DDR2: variants seen among roughly 807,000 people sequenced by gnomAD.
DDR2 encodes discoidin domain-containing receptor 2.
In DDR2, 27 loss-of-function variants were observed where a neutral mutation model predicts 94.9. The ratio of observed to expected loss-of-function variants is 0.28; its 90% CI spans 0.21 to 0.39. DDR2 has a LOEUF of 0.39. DDR2 is among the 10% of genes least tolerant of loss of function. The pLI is 1.00. For synonymous variants in DDR2, 382 were observed against 377.2 expected (o/e 1.01, Z -0.15); for missense variants, 783 against 1,076.0 (o/e 0.73, Z 3.81).
At chr1:162,777,853 TCACC>T (rs1647670691) in intron 16 of DDR2, 1 of 152,494 alleles carries the variant, frequency 6.6e-6, no homozygotes, top group Non-Finnish European at 1.5e-5. Context: ...ATTAATATGG[TCACC>T]CCTAGGAGCA....
chr1:162,740,326 C>T (rs896135821), intron 3 of DDR2, among the ~76,000 whole-genome samples: 2 of 152,162 alleles, frequency 1.3e-5, no homozygotes, highest in Admixed American at 1.3e-4. Flanking sequence ...TTGTTGAGTA[C>T]AAGTTCATTA....
Position 162,780,138 on chromosome 1 carries a change from T to C in DDR2, c.2460T>C (p.Cys820=). 1 of 1,614,020 alleles carries C rather than the reference T, an allele frequency of 6.2e-7. No individual in the cohort carries two copies. The highest frequency in any genetic ancestry group is 1.1e-5 in the South Asian group (1 of 91,082). The part of the protein sequence containing the change: ...RQTYLPQPAI[C]PDSVYKLMLS... ...CTTACCTCCCTCAACCAGCCATTTG[T>C]CCTGACTCTGTGTATAAGCTGATGC... The change falls in exon 18 of 18, where the codon TGT becomes TGC. Residue 820 remains cysteine, a synonymous_variant. Coordinates refer to ENST00000367921, the MANE Select transcript of DDR2 (RefSeq NM_006182.4).
At chr1:162,645,025 A>G (rs1036664405) in intron 1 of DDR2, among the ~76,000 whole-genome samples, 3 of 152,188 alleles carry the variant, frequency 2.0e-5, no homozygotes, top group African/African-American at 7.2e-5. Flanking sequence ...GCTATTGGCA[A>G]TGTAAGGTGG....
At chr1:162,645,460 G>A (rs532601190) in intron 1 of DDR2, among the ~76,000 whole-genome samples, 7 of 152,030 alleles carry the variant, frequency 4.6e-5, no homozygotes, top group African/African-American at 1.2e-4. Context: ...GAGAGAGAGA[G>A]AAAAAGAAAT....
At chr1:162,686,463 C>T (rs554676354) in intron 2 of DDR2, among the ~76,000 whole-genome samples, 4 of 152,198 alleles carry the variant, frequency 2.6e-5, no homozygotes, top group African/African-American at 7.2e-5. Flanking sequence ...TGAGAATATG[C>T]GGTGTTTGGT....
intron 1 of DDR2, among the ~76,000 whole-genome samples, chr1:162,637,132 G>C (rs987023590): frequency 2.0e-5 from 3 of 151,968 alleles, no homozygotes; most frequent in Non-Finnish European, 4.4e-5. Flanking sequence ...GCTGGACACT[G>C]TTCTATGTTT....
At chr1:162,667,388 T>C (rs1658634345) in intron 2 of DDR2, among the ~76,000 whole-genome samples, 1 of 152,200 alleles carries the variant, frequency 6.6e-6, no homozygotes, top group Admixed American at 6.5e-5. Context: ...ACAGATAGAC[T>C]ATGGCAGACC....
Position 162,770,449 on chromosome 1 carries a change from T to A in DDR2, c.1441T>A (p.Tyr481Asn). 1 of 1,614,128 alleles carries A rather than the reference T, an allele frequency of 6.2e-7. No homozygotes were observed. The change falls in exon 12 of 18, where the codon TAC becomes AAC. Residue 481 changes from tyrosine to asparagine, a missense_variant. By Grantham distance (143) the Tyr-to-Asn change is moderately radical (BLOSUM62 -2). Around this residue, in one of 2 missense-constraint regions of DDR2, gnomAD observed 519 missense variants for 647.9 expected, o/e 0.80. Coordinates refer to ENST00000367921, the MANE Select transcript of DDR2 (RefSeq NM_006182.4). ...TCGCATCTTTCCCCTTCGCCCTGAC[T>A]ACCAGGAGCCATCCAGGCTGATACG... ...YDRIFPLRPD[Y>N]QEPSRLIRKL...
intron 3 of DDR2, 38 bp from the exon 4 acceptor site, chr1:162,753,057 C>T (rs909252811): frequency 6.5e-7 from 1 of 1,549,088 alleles, no homozygotes; most frequent in Non-Finnish European, 8.9e-7. Context: ...AAAATAAAAC[C>T]ATGTCCTCTC....
intron 12 of DDR2, 76 bp from the exon 13 acceptor site, chr1:162,771,948 C>T: frequency 6.8e-7 from 1 of 1,474,390 alleles, no homozygotes; most frequent in Non-Finnish European, 9.3e-7. Flanking sequence ...TTTTAGCCCT[C>T]CTCTCAGAGT....
intron 2 of DDR2, among the ~76,000 whole-genome samples, chr1:162,716,491 AT>A (rs1661173939): frequency 6.6e-6 from 1 of 152,162 alleles, no homozygotes; most frequent in African/African-American, 2.4e-5. Context: ...TTAGGGACTT[AT>A]TTATGGAAAT....
chr1:162,781,470 T>G lies in DDR2; in HGVS notation c.*1224T>G, dbSNP rs1355789467. On this transcript the variant is annotated 3_prime_UTR_variant, in exon 18 of 18. Transcript: ENST00000367921. ...CCAGAGGTGAGGAGTCTCTTGTCACTGGAGAGGTTAAGATAGAGGCTCAAG... is the reference window on the plus strand; with the variant it reads ...CCAGAGGTGAGGAGTCTCTTGTCACGGGAGAGGTTAAGATAGAGGCTCAAG... 2.0e-5 allele frequency: 3 copies of G among 152,206 alleles called. No individual in the cohort carries two copies. Among genetic ancestry groups the G allele is most frequent in the Non-Finnish European group, 2.9e-5 (2 of 68,038 alleles). 9.4% of individuals were successfully genotyped at this position (152,206 alleles called of 1,614,324 possible).
chr1:162,643,991 C>T (rs1240326870), intron 1 of DDR2, among the ~76,000 whole-genome samples: 3 of 152,108 alleles, frequency 2.0e-5, no homozygotes, highest in Non-Finnish European at 4.4e-5. Context: ...GAAATGAGAC[C>T]TGGCTATTAA....
At chr1:162,664,748 G>A (rs1002121447) in intron 2 of DDR2, among the ~76,000 whole-genome samples, 12 of 152,066 alleles carry the variant, frequency 7.9e-5, no homozygotes, top group Non-Finnish European at 4.4e-5. Context: ...TCATAAATGA[G>A]CATGCATCAC....
At chr1:162,712,020 C>T (rs950218761) in intron 2 of DDR2, among the ~76,000 whole-genome samples, 5 of 151,988 alleles carry the variant, frequency 3.3e-5, no homozygotes, top group Non-Finnish European at 7.4e-5. Flanking sequence ...ACTTCCTGCT[C>T]ACTCTTTCTC....
intron 2 of DDR2, among the ~76,000 whole-genome samples, chr1:162,666,734 T>C (rs925428796): frequency 5.3e-5 from 8 of 152,104 alleles, no homozygotes; most frequent in African/African-American, 1.7e-4. Context: ...ATTGTTAAGT[T>C]GTACTAACCT....
intron 3 of DDR2, among the ~76,000 whole-genome samples, chr1:162,720,239 T>TAA (rs1196197052): frequency 2.0e-5 from 3 of 151,908 alleles, no homozygotes; most frequent in Non-Finnish European, 4.4e-5. Context: ...TGAACACATC[T>TAA]AAACAGTACC....
intron 3 of DDR2, among the ~76,000 whole-genome samples, chr1:162,732,473 C>T (rs1051520691): frequency 2.0e-5 from 3 of 152,196 alleles, no homozygotes; most frequent in Non-Finnish European, 4.4e-5. Flanking sequence ...AATTTCAGTC[C>T]TGGTTACCCT....
intron 2 of DDR2, among the ~76,000 whole-genome samples, chr1:162,707,443 G>A (rs549252400): frequency 6.6e-6 from 1 of 152,186 alleles, no homozygotes; most frequent in Non-Finnish European, 1.5e-5. Flanking sequence ...TGTTGAGACT[G>A]CAATTTTTCA....
Sources: gnomAD v4.1 joint callset for allele counts (sites outside exome capture counted in the v4.1 genomes callset) on GRCh38, gnomAD v4.1.1 for gene constraint, gnomAD v4.1.1 regional missense constraint, MANE v1.5 for transcripts, NCBI Gene and HGNC (gene_info 2026-07-23, HGNC 2026-07-21) for gene names.